NBL1: variants seen among roughly 807,000 people sequenced by gnomAD.
NBL1 encodes the protein NBL1, DAN family BMP antagonist.
In NBL1, 9 loss-of-function variants were observed where a neutral mutation model predicts 16.0. The observed-to-expected ratio is 0.56, with a 90% CI of 0.34 to 0.98. NBL1 has a LOEUF of 0.98. Among genes scored for constraint, NBL1 ranks in the 50% least tolerant of loss-of-function variants. NBL1 has a pLI of 0.02. For missense variants in NBL1, 196 were observed against 243.1 expected, an observed-to-expected ratio of 0.81 and a Z score of 1.29; for synonymous variants, 86 against 100.7, an observed-to-expected ratio of 0.85 and a Z score of 0.87.
At chr1:19,650,738 A>G (rs1215982809) in intron 1 of NBL1, among the ~76,000 whole-genome samples, 2 of 143,232 alleles carry the variant, frequency 1.4e-5, no homozygotes, top group African/African-American at 5.5e-5. Context: ...ATCGCTGCTT[A>G]AAAAAAAAAA....
Position 19,656,850 on chromosome 1 carries a change from C to G in NBL1, c.283-16C>G. On this transcript the variant is annotated splice_polypyrimidine_tract_variant and intron_variant, in intron 3 of 3. Transcript: ENST00000375136. Reference sequence around the variant, plus strand: ...CCTTTGGGAACATGCCTCTGCTTCTCTCTTGCCCTCTGCAGGTGACGCTGG... The same window carrying G: ...CCTTTGGGAACATGCCTCTGCTTCTGTCTTGCCCTCTGCAGGTGACGCTGG... 1.9e-6 allele frequency: 3 copies of G among 1,602,978 alleles called. No individual in the cohort carries two copies. Among genetic ancestry groups the G allele is most frequent in the Non-Finnish European group, 8.5e-7 (1 of 1,172,228 alleles).
intron 1 of NBL1, among the ~76,000 whole-genome samples, chr1:19,650,623 C>T (rs1240714590): frequency 2.6e-5 from 4 of 152,160 alleles, no homozygotes; most frequent in Admixed American, 6.5e-5. Context: ...CTTTCCTTCC[C>T]GCCCTCGCTT....
rs556017184 is a variant in NBL1 at position 19,647,833 on chromosome 1, G to A, written c.-20+3387G>A. Among the ~76,000 whole-genome samples the A allele has an allele frequency of 4.6e-5, 7 of 152,010 alleles. 1 individual carries two copies. The East Asian group carries it at 5.8e-4, about 13-fold the overall frequency. ...TCTGCACCGAGTGGTTGCTGGAACC[G>A]GTAACAGGAAAGGCCTGGTGTGTGT... is the stretch of plus-strand genomic sequence containing the variant. On this transcript the variant is annotated intron_variant, in intron 1 of 3. Coordinates refer to ENST00000375136, the MANE Select transcript of NBL1 (RefSeq NM_005380.8).
chr1:19,644,051 G>C, upstream of NBL1: 3 of 979,666 alleles, frequency 3.1e-6, no homozygotes, highest in Non-Finnish European at 3.6e-6. This position sits in a 1 kb window ranked among gnomAD's most constrained non-coding sequence, Gnocchi z 4.6. Context: ...TGCCTCTCGG[G>C]CGCCGGCCAG....
intron 3 of NBL1, among the ~76,000 whole-genome samples, chr1:19,656,313 G>C (rs2095056066): frequency 6.6e-6 from 1 of 151,248 alleles, no homozygotes; most frequent in Non-Finnish European, 1.5e-5. Flanking sequence ...CAGCTGGGCT[G>C]GGCTTTGGGG....
At chr1:19,653,475 C>T (rs1167520962) in intron 1 of NBL1, among the ~76,000 whole-genome samples, 1 of 152,094 alleles carries the variant, frequency 6.6e-6, no homozygotes, top group Non-Finnish European at 1.5e-5. Flanking sequence ...AGGGACTGTC[C>T]CAAGGTAAAG....
chr1:19,651,473 C>G (rs1233859910), intron 1 of NBL1, among the ~76,000 whole-genome samples: 1 of 152,230 alleles, frequency 6.6e-6, no homozygotes, highest in African/African-American at 2.4e-5. Context: ...TAACCAGTTC[C>G]TGATCTCTGG....
rs368414751 is a variant in NBL1, at chr1:19,645,780, T to C, written c.-20+1334T>C. ...CTCCCGGGCCTGTGTTTTGGAGGGG[T>C]GGACAGGGGAGTAGGTGTTCTGCAT... On this transcript the variant is annotated intron_variant, in intron 1 of 3. Transcript: ENST00000375136. 6 of 1,399,802 alleles carry C rather than the reference T, an allele frequency of 4.3e-6. No individual in the cohort carries two copies. In the East Asian group the frequency reaches 8.3e-5, roughly 19 times the overall value. The allele number at this position is 1,399,802 out of a possible 1,614,324, so 86.7% of individuals were successfully genotyped here.
chr1:19,647,768 C>A, intron 1 of NBL1: 1 of 694,072 alleles, frequency 1.4e-6, no homozygotes, highest in Non-Finnish European at 1.8e-6. Context: ...GAGAGCCCTG[C>A]CCTTTCCACC....
chr1:19,656,927 T>C lies in NBL1; in HGVS notation c.344T>C (p.Ile115Thr). ...VPRVDKLVEKILHCSCQACGK... is the reference protein window; with the variant it reads ...VPRVDKLVEKTLHCSCQACGK... ...AGGGTGGACAAGCTGGTGGAGAAGA[T>C]CCTGCACTGTAGCTGCCAGGCCTGC... The change falls in exon 4 of 4, where the codon ATC (isoleucine) becomes ACC (threonine). Residue 115 changes from isoleucine to threonine, a missense_variant. By Grantham distance (89) the Ile-to-Thr change is moderately conservative. Transcript: ENST00000375136. 6.2e-7 allele frequency: 1 copy of C among 1,613,376 alleles called. No individual in the cohort carries two copies. The highest frequency in any genetic ancestry group is 1.1e-5 in the South Asian group (1 of 90,984).
chr1:19,644,162 C>G (rs548708702), upstream of NBL1: 6 of 980,232 alleles, frequency 6.1e-6, no homozygotes, highest in African/African-American at 1.8e-5. This position sits in a 1 kb window ranked among gnomAD's most constrained non-coding sequence, Gnocchi z 4.6. Context: ...GCGGCGCCCC[C>G]TCCTGCGCAC....
chr1:19,643,516 A>T, upstream of NBL1: 1 of 1,502,684 alleles, frequency 6.7e-7, no homozygotes, highest in Non-Finnish European at 8.9e-7. This position sits in a 1 kb window ranked among gnomAD's most constrained non-coding sequence, Gnocchi z 4.7. Context: ...CACACAGAAT[A>T]GAGAAGGTAC....
chr1:19,647,896 T>TGTGCGCGC (rs1423989084), intron 1 of NBL1, among the ~76,000 whole-genome samples: 1 of 100,622 alleles, frequency 9.9e-6, no homozygotes, highest in Non-Finnish European at 2.1e-5. Flanking sequence ...TGTGCGCGCG[T>TGTGCGCGC]GTGTGTGCGT....
At chr1:19,643,985 A>T (rs963856441), upstream of NBL1, 25 of 985,400 alleles carry the variant, frequency 2.5e-5, 1 homozygote, top group Middle Eastern at 1.0e-3. The surrounding 1 kb of genome is among the most constrained non-coding windows in gnomAD (Gnocchi z 4.7). Context: ...GTGGAAGCGC[A>T]GAGAAACCCG....
intron 1 of NBL1, among the ~76,000 whole-genome samples, chr1:19,653,489 C>A (rs189796544): frequency 6.6e-6 from 1 of 152,290 alleles, no homozygotes; most frequent in East Asian, 1.9e-4. Flanking sequence ...GGTAAAGAAT[C>A]CCTGACTGAG....
chr1:19,651,144 G>T (rs2095022799), intron 1 of NBL1, among the ~76,000 whole-genome samples: 1 of 152,238 alleles, frequency 6.6e-6, no homozygotes, highest in Non-Finnish European at 1.5e-5. Context: ...TTTCTGAGGA[G>T]TGAACTTATT....
At chr1:19,653,823 G>A (rs1043088090) in intron 1 of NBL1, among the ~76,000 whole-genome samples, 12 of 152,242 alleles carry the variant, frequency 7.9e-5, no homozygotes, top group Admixed American at 3.3e-4. Context: ...CCTGGGGCGA[G>A]TCTCCTGAAA....
chr1:19,651,677 C>T (rs1055137472), intron 1 of NBL1, among the ~76,000 whole-genome samples: 9 of 151,540 alleles, frequency 5.9e-5, no homozygotes, highest in Non-Finnish European at 1.0e-4. Flanking sequence ...CTGCCTCCCT[C>T]CCTCTTTTCT....
intron 1 of NBL1, chr1:19,647,754 G>C: frequency 6.4e-6 from 5 of 782,172 alleles, no homozygotes; most frequent in Non-Finnish European, 6.2e-6. Context: ...TGAAGATGGG[G>C]AGGGAGAGCC....
Sources: allele counts gnomAD v4.1 joint callset (sites outside exome capture counted in the v4.1 genomes callset), GRCh38; gene constraint gnomAD v4.1.1; non-coding constraint Gnocchi (gnomAD v3.1); transcripts MANE v1.5; gene names NCBI Gene and HGNC (gene_info 2026-07-23, HGNC 2026-07-21).